CDCA4: variants seen among roughly 807,000 people sequenced by gnomAD.
The protein encoded by CDCA4 is cell division cycle associated 4.
For synonymous variants in CDCA4, 130 were observed against 137.0 expected (o/e 0.95, Z 0.36); for missense variants, 294 against 322.1 (o/e 0.91, Z 0.67).
chr14:105,017,830 CA>C (rs1430685179), intron 1 of CDCA4, among the ~76,000 whole-genome samples: 10 of 143,264 alleles, frequency 7.0e-5, no homozygotes, highest in Non-Finnish European at 9.2e-5. Flanking sequence ...GACTCCGTCT[CA>C]AAAAAAAAAC....
rs370004058 is a variant in CDCA4, at chr14:105,011,309, G to C, written c.621C>G (p.Cys207Trp). The C allele has an allele frequency of 1.9e-6, 3 of 1,613,984 alleles. No individual in the cohort carries two copies. The highest frequency in any genetic ancestry group is 1.3e-5 in the African/African-American group (1 of 74,936). The change falls in exon 2 of 2, where the codon TGC (cysteine) becomes TGG (tryptophan). Residue 207 changes from cysteine to tryptophan, a missense_variant. By Grantham distance (215) the Cys-to-Trp change is radical (BLOSUM62 -2). Coordinates refer to ENST00000336219, the MANE Select transcript of CDCA4 (RefSeq NM_017955.4). ...CCGGAGCCAAGCCCTCGAGCCCTTC[G>C]CAGGGGCCCGGCCTGGCACCCCCCA... ...GMMGGARPGP[C>W]EGLEGLAPAT...
At chr14:105,018,904 T>C (rs1299828574) in intron 1 of CDCA4, among the ~76,000 whole-genome samples, 1 of 151,450 alleles carries the variant, frequency 6.6e-6, no homozygotes, top group Non-Finnish European at 1.5e-5. Flanking sequence ...ACCCGGCTAA[T>C]TTTTGTATTT....
In CDCA4 at chr14:105,010,589, A is replaced by G. The variant is rs1179287589; in HGVS notation, c.*615T>C. The G allele has an allele frequency of 6.6e-6, 1 of 152,376 alleles. No individual in the cohort carries two copies. Among genetic ancestry groups the G allele is most frequent in the Admixed American group, 6.5e-5 (1 of 15,284 alleles). 9.4% of individuals were successfully genotyped at this position (152,376 alleles called of 1,614,324 possible). ...AGTATCACACACACATTTAAAGTAAAACATGATACATTCACACTGTTGACT... is the reference window on the plus strand; with the variant it reads ...AGTATCACACACACATTTAAAGTAAGACATGATACATTCACACTGTTGACT... On this transcript the variant is annotated 3_prime_UTR_variant, in exon 2 of 2. Coordinates refer to ENST00000336219, the MANE Select transcript of CDCA4 (RefSeq NM_017955.4).
chr14:105,011,055 C>A lies in CDCA4; in HGVS notation c.*149G>T, dbSNP rs1347772739. The A allele has an allele frequency of 1.2e-5, 11 of 952,730 alleles. No individual in the cohort carries two copies. The highest frequency in any genetic ancestry group is 5.8e-5 in the Admixed American group (2 of 34,348). The allele number at this position is 952,730 out of a possible 1,614,324, so 59.0% of individuals were successfully genotyped here. A position where few individuals can be genotyped will look rare whatever the true frequency, so the allele number is the denominator to read the frequency against. On this transcript the variant is annotated 3_prime_UTR_variant, in exon 2 of 2. Coordinates refer to ENST00000336219, the MANE Select transcript of CDCA4 (RefSeq NM_017955.4). ...GAGTGGGACGGGCCTAGGGCTGCAGCCCCACTGGTAATGGGCTGTTCTGGG... is the reference window on the plus strand; with the variant it reads ...GAGTGGGACGGGCCTAGGGCTGCAGACCCACTGGTAATGGGCTGTTCTGGG...
chr14:105,017,190 G>A (rs1408622097), intron 1 of CDCA4, among the ~76,000 whole-genome samples: 1 of 151,846 alleles, frequency 6.6e-6, no homozygotes, highest in Non-Finnish European at 1.5e-5. Flanking sequence ...GCGGTCCTTG[G>A]CCTAGTTTCA....
At position 105,011,346 on chromosome 14, in the gene CDCA4, A is replaced by G. The variant is rs1258339951; in HGVS notation, c.584T>C (p.Leu195Pro). Residue 195 changes from leucine to proline, a missense_variant, in exon 2 of 2, where the codon CTG (leucine) becomes CCG (proline). By Grantham distance (98) the Leu-to-Pro change is moderately conservative (BLOSUM62 -3). Transcript: ENST00000336219. ...CCTGGCACCCCCCATCATGCCTGTCAGTACTGTGTCCAGGTCGTAGTAGGG... is the reference window on the plus strand; with the variant it reads ...CCTGGCACCCCCCATCATGCCTGTCGGTACTGTGTCCAGGTCGTAGTAGGG... ...DSPYYDLDTV[L>P]TGMMGGARPG... 2.5e-6 allele frequency: 4 copies of G among 1,614,200 alleles called. No homozygotes were observed. The highest frequency in any genetic ancestry group is 3.4e-6 in the Non-Finnish European group (4 of 1,180,030).
intron 1 of CDCA4, among the ~76,000 whole-genome samples, chr14:105,018,813 T>C (rs1269495128): frequency 6.6e-6 from 1 of 151,750 alleles, no homozygotes; most frequent in Non-Finnish European, 1.5e-5. Context: ...CTCAGCTCAC[T>C]GCAACCTCCA....
In CDCA4 at chr14:105,011,352, G is replaced by C. The variant is rs751156130; in HGVS notation, c.578C>G (p.Thr193Arg). The change falls in exon 2 of 2, where the codon ACA becomes AGA. Residue 193 changes from threonine to arginine, a missense_variant. Thr to Arg is a moderately conservative substitution (Grantham distance 71). Transcript: ENST00000336219. ...DVDSPYYDLD[T>R]VLTGMMGGAR... ...ACCCCCCATCATGCCTGTCAGTACT[G>C]TGTCCAGGTCGTAGTAGGGGCTGTC... 1.9e-6 allele frequency: 3 copies of C among 1,614,196 alleles called. No individual in the cohort carries two copies. The highest frequency in any genetic ancestry group is 2.5e-6 in the Non-Finnish European group (3 of 1,180,032).
chr14:105,016,267 G>A lies in CDCA4; in HGVS notation c.-6-4332C>T, dbSNP rs1024498052. On this transcript the variant is annotated intron_variant, in intron 1 of 1. Coordinates refer to ENST00000336219, the MANE Select transcript of CDCA4 (RefSeq NM_017955.4). The stretch of plus-strand genomic sequence containing the variant: ...ACTCAGAAAAACACAGTCACCACCT[G>A]GGTTCCTCCTTTCCAGTCGTTTCTC... 2.6e-5 allele frequency among the ~76,000 whole-genome samples: 4 copies of A among 152,274 alleles called. No individual in the cohort carries two copies. In the East Asian group the frequency reaches 5.8e-4, roughly 22 times the overall value.
Position 105,011,848 on chromosome 14 carries a change from A to G in CDCA4, c.82T>C (p.Ser28Pro). 1 of 1,613,890 alleles carries G rather than the reference A, an allele frequency of 6.2e-7. No homozygotes were observed. ...GACTGCCGCTGCAGGCTGTATGAGG[A>G]CACTGTCTTCAAGCCGGCCAGGGCT... ...EGALAGLKTV[S>P]SYSLQRQSLL... The change falls in exon 2 of 2, where the codon TCC (serine) becomes CCC (proline). Residue 28 changes from serine to proline, a missense_variant. Physicochemically the swap from Ser to Pro is moderately conservative, Grantham distance 74. Coordinates refer to ENST00000336219, the MANE Select transcript of CDCA4 (RefSeq NM_017955.4).
At chr14:105,018,285 G>C (rs12891996) in intron 1 of CDCA4, among the ~76,000 whole-genome samples, 1 of 151,660 alleles carries the variant, frequency 6.6e-6, no homozygotes, top group Non-Finnish European at 1.5e-5. Context: ...TCTGGTACCA[G>C]GAGAATATCC....
At chr14:105,020,342 C>A (rs1160760883) in intron 1 of CDCA4, among the ~76,000 whole-genome samples, 1 of 152,228 alleles carries the variant, frequency 6.6e-6, no homozygotes, top group Non-Finnish European at 1.5e-5. Flanking sequence ...ACAGGAGAAG[C>A]GAGGCAGCGG....
chr14:105,012,393 C>T (rs929714448), intron 1 of CDCA4, among the ~76,000 whole-genome samples: 6 of 152,200 alleles, frequency 3.9e-5, no homozygotes, highest in Non-Finnish European at 7.3e-5. Flanking sequence ...GGGGGCCGGA[C>T]AGGGCCGGGC....
At chr14:105,013,496 T>G (rs1900559005) in intron 1 of CDCA4, among the ~76,000 whole-genome samples, 1 of 152,248 alleles carries the variant, frequency 6.6e-6, no homozygotes. Context: ...ATATGCAAAC[T>G]TTGGAACTTC....
intron 1 of CDCA4, among the ~76,000 whole-genome samples, chr14:105,019,902 C>T (rs1235584405): frequency 6.6e-6 from 1 of 152,144 alleles, no homozygotes; most frequent in Non-Finnish European, 1.5e-5. Flanking sequence ...TTAGTACAGA[C>T]GGGGTTTCAC....
intron 1 of CDCA4, among the ~76,000 whole-genome samples, chr14:105,019,174 C>T (rs146952852): frequency 7.2e-4 from 110 of 152,276 alleles, no homozygotes; most frequent in Non-Finnish European, 1.3e-3. Flanking sequence ...CAAGCACCGA[C>T]CAGACAGAGA....
chr14:105,011,018 CAG>C lies in CDCA4; in HGVS notation c.*184_*185del. 1 of 693,334 alleles carries C rather than the reference CAG, an allele frequency of 1.4e-6. No homozygotes were observed. Among genetic ancestry groups the C allele is most frequent in the South Asian group, 2.0e-5 (1 of 50,830 alleles). The allele number at this position is 693,334 out of a possible 1,614,324, so 42.9% of individuals were successfully genotyped here. On this transcript the variant is annotated 3_prime_UTR_variant, in exon 2 of 2. Transcript: ENST00000336219. ...AGAACAGCCTCTGCCTGGCGCTCCACAGGGGGGAGGTGAGTGGGACGGGCCTA... is the reference window on the plus strand; with the variant it reads ...AGAACAGCCTCTGCCTGGCGCTCCACGGGGGAGGTGAGTGGGACGGGCCTA...
chr14:105,009,776 TG>T lies in CDCA4; in HGVS notation c.*1427del, dbSNP rs11314009. On this transcript the variant is annotated 3_prime_UTR_variant, in exon 2 of 2. Coordinates refer to ENST00000336219, the MANE Select transcript of CDCA4 (RefSeq NM_017955.4). ...AAAAAGAATTTGCTCTGCAACCCTG[TG>T]GGGGGGGGAAATAAAAGTAACCCAG... The T allele has an allele frequency of 0.64, 97,253 of 151,432 alleles. 32,286 individuals are homozygous for T. Among genetic ancestry groups the T allele is most frequent in the South Asian group, 0.79 (3,793 of 4,786 alleles). The allele number at this position is 151,432 out of a possible 1,614,324, so 9.4% of individuals were successfully genotyped here. A position where few individuals can be genotyped will look rare whatever the true frequency, so the allele number is the denominator to read the frequency against.
At chr14:105,014,321 G>A (rs190170086) in intron 1 of CDCA4, among the ~76,000 whole-genome samples, 3 of 152,296 alleles carry the variant, frequency 2.0e-5, no homozygotes, top group Admixed American at 2.0e-4. Context: ...CCGGCCCTGG[G>A]GAGCAGAGGA....
Sources: allele counts gnomAD v4.1 joint callset (sites outside exome capture counted in the v4.1 genomes callset), GRCh38; gene constraint gnomAD v4.1.1; transcripts MANE v1.5; gene names NCBI Gene and HGNC (gene_info 2026-07-23, HGNC 2026-07-21).